The following RBFOX1 variants were observed in gnomAD, a reference collection of about 807,000 sequenced individuals.
RBFOX1 encodes the protein RNA binding protein fox-1 homolog 1.
A neutral mutation model predicts 57.7 loss-of-function variants in RBFOX1; 8 were observed. That is an observed-to-expected ratio of 0.14 (90% CI 0.08 to 0.25). RBFOX1 has a LOEUF of 0.25. Among genes scored for constraint, RBFOX1 ranks in the 10% least tolerant of loss-of-function variants. The pLI is 1.00. For synonymous variants in RBFOX1, 326 were observed against 222.4 expected, an observed-to-expected ratio of 1.47 and a Z score of -4.15; for missense variants, 611 against 548.5, an observed-to-expected ratio of 1.11 and a Z score of -1.14.
chr16:5,433,080 C>T (rs1225252733), intron 1 of RBFOX1, among the ~76,000 whole-genome samples: 3 of 152,194 alleles, frequency 2.0e-5, no homozygotes, highest in East Asian at 1.9e-4. Context: ...AGACCGAAGA[C>T]GTTAGAGAGA....
At chr16:7,530,469 T>A (rs1188166186) in intron 5 of RBFOX1, among the ~76,000 whole-genome samples, 1 of 151,596 alleles carries the variant, frequency 6.6e-6, no homozygotes, top group African/African-American at 2.4e-5. Context: ...CAGCCACAAG[T>A]GGGCCTTATT....
chr16:5,467,798 A>G (rs1251263944), intron 2 of RBFOX1, among the ~76,000 whole-genome samples: 1 of 152,260 alleles, frequency 6.6e-6, no homozygotes, highest in Non-Finnish European at 1.5e-5. Flanking sequence ...TAGAGGAAGT[A>G]AGATTTTTAT....
chr16:5,338,738 A>T (rs1049630689), intron 1 of RBFOX1, among the ~76,000 whole-genome samples: 3 of 152,132 alleles, frequency 2.0e-5, no homozygotes, highest in Admixed American at 6.5e-5. Context: ...AGTTCACTGG[A>T]GCCTCTGCCT....
intron 4 of RBFOX1, among the ~76,000 whole-genome samples, chr16:7,379,003 C>T (rs1317700059): frequency 6.6e-6 from 1 of 152,216 alleles, no homozygotes; most frequent in Non-Finnish European, 1.5e-5. Flanking sequence ...GCTTAGATAT[C>T]TACTCTCTAA....
At chr16:6,352,666 C>T (rs1271693702) in intron 2 of RBFOX1, among the ~76,000 whole-genome samples, 1 of 152,144 alleles carries the variant, frequency 6.6e-6, no homozygotes, top group Non-Finnish European at 1.5e-5. Context: ...ATAATTCATA[C>T]ATTGCTCAAA....
At chr16:6,402,625 C>T (rs2093120814) in intron 2 of RBFOX1, among the ~76,000 whole-genome samples, 1 of 152,196 alleles carries the variant, frequency 6.6e-6, no homozygotes, top group Non-Finnish European at 1.5e-5. Context: ...CTGCCTCCTT[C>T]CACTACTGTC....
At chr16:7,465,807 G>C (rs914360493) in intron 4 of RBFOX1, among the ~76,000 whole-genome samples, 3 of 152,182 alleles carry the variant, frequency 2.0e-5, no homozygotes, top group African/African-American at 7.2e-5. Context: ...AGGCAACCCA[G>C]GTAATTCTTG....
At chr16:6,638,231 A>G (rs998397146) in intron 2 of RBFOX1, among the ~76,000 whole-genome samples, 1 of 152,144 alleles carries the variant, frequency 6.6e-6, no homozygotes, top group African/African-American at 2.4e-5. Context: ...AAGAGGGTGG[A>G]AAAACCAGAC....
intron 5 of RBFOX1, among the ~76,000 whole-genome samples, chr16:7,535,352 G>A (rs1370170168): frequency 6.6e-6 from 1 of 152,140 alleles, no homozygotes; most frequent in South Asian, 2.1e-4. Context: ...GTGAGCAATT[G>A]GTCCACACCA....
intron 2 of RBFOX1, among the ~76,000 whole-genome samples, chr16:6,622,065 A>C (rs916675323): frequency 1.3e-5 from 2 of 152,182 alleles, no homozygotes; most frequent in African/African-American, 4.8e-5. Flanking sequence ...GTTGGTGTTT[A>C]TGTGGAAAGG....
intron 1 of RBFOX1, among the ~76,000 whole-genome samples, chr16:5,301,320 C>T (rs2063796902): frequency 6.6e-6 from 1 of 151,970 alleles, no homozygotes; most frequent in Admixed American, 6.6e-5. Context: ...CTTCCAACAG[C>T]TATATAAGTG....
intron 1 of RBFOX1, among the ~76,000 whole-genome samples, chr16:6,249,407 C>A (rs1259498715): frequency 1.3e-5 from 2 of 152,146 alleles, no homozygotes; most frequent in Non-Finnish European, 2.9e-5. Context: ...TGCCTGTAAT[C>A]CCAGCTACTC....
chr16:6,047,797 ACCAAT>A (rs2095511069), intron 1 of RBFOX1, among the ~76,000 whole-genome samples: 1 of 152,182 alleles, frequency 6.6e-6, no homozygotes, highest in African/African-American at 2.4e-5. Context: ...CTAATTCCAC[ACCAAT>A]CAGAGCAGCA....
chr16:6,592,997 AG>A (rs2097733692), intron 2 of RBFOX1, among the ~76,000 whole-genome samples: 1 of 152,162 alleles, frequency 6.6e-6, no homozygotes, highest in Non-Finnish European at 1.5e-5. Flanking sequence ...GTTCACGACT[AG>A]CCCGGCCAAC....
rs1597475110 is a variant in RBFOX1, at chr16:6,454,886, T to G, written c.-64+137829T>G. Among the ~76,000 whole-genome samples the G allele has an allele frequency of 3.0e-4, 24 of 80,020 alleles. 6 individuals are homozygous for G. The highest frequency in any genetic ancestry group is 4.4e-4 in the Non-Finnish European group (16 of 36,690). 52.5% of individuals were successfully genotyped at this position (80,020 alleles called of 152,430 possible). The stretch of plus-strand genomic sequence containing the variant: ...TTTTTTTTTTTTTTTTTTTTTTTTT[T>G]TTTTTTTTTTTTTTTGAGTTGGCGT... On this transcript the variant is annotated intron_variant, in intron 2 of 15. Coordinates refer to ENST00000550418, the MANE Select transcript of RBFOX1 (RefSeq NM_018723.4).
rs1041061366 is a variant in RBFOX1 at position 5,396,949 on chromosome 16, A to G, written c.220-70267A>G. On this transcript the variant is annotated intron_variant, in intron 1 of 2. Coordinates refer to the RBFOX1 transcript ENST00000585867. The stretch of plus-strand genomic sequence containing the variant: ...AGAATCCTATCAGACACCCCTGGAT[A>G]TGTTTATACCTCCCAGCCTTCCTGT... 2.6e-5 allele frequency among the ~76,000 whole-genome samples: 4 copies of G among 152,286 alleles called. No homozygotes were observed. The East Asian group carries it at 7.7e-4, about 29-fold the overall frequency.
At chr16:5,529,748 A>C (rs1237567989) in intron 2 of RBFOX1, among the ~76,000 whole-genome samples, 1 of 151,954 alleles carries the variant, frequency 6.6e-6, no homozygotes, top group Non-Finnish European at 1.5e-5. Flanking sequence ...TTGTATTTTT[A>C]GTAGAAACGG....
intron 3 of RBFOX1, among the ~76,000 whole-genome samples, chr16:6,672,267 G>C (rs1603307725): frequency 6.6e-6 from 1 of 152,006 alleles, no homozygotes; most frequent in South Asian, 2.1e-4. Flanking sequence ...GTCCATTGGA[G>C]AAATATACAT....
At chr16:5,751,303 A>G (rs2053191357) in intron 3 of RBFOX1, among the ~76,000 whole-genome samples, 1 of 152,094 alleles carries the variant, frequency 6.6e-6, no homozygotes, top group African/African-American at 2.4e-5. Flanking sequence ...CATTTCACTC[A>G]TGAGTAATTA....
Sources: gnomAD v4.1 joint callset for allele counts (sites outside exome capture counted in the v4.1 genomes callset) on GRCh38, gnomAD v4.1.1 for gene constraint, MANE v1.5 for transcripts, NCBI Gene and HGNC (gene_info 2026-07-23, HGNC 2026-07-21) for gene names.